The following GNB4 variants were observed in gnomAD, a reference collection of about 807,000 sequenced individuals.
GNB4 encodes guanine nucleotide-binding protein subunit beta-4.
GNB4 carries 28 observed loss-of-function variants against 45.2 expected under a neutral mutation model. That is an observed-to-expected ratio of 0.62 (90% CI 0.46 to 0.85). The LOEUF (loss-of-function observed/expected upper bound fraction) is 0.85. Ranked by LOEUF, GNB4 falls within the 40% of genes least tolerant of loss-of-function variation. GNB4 has a pLI of 0.00. For synonymous variants in GNB4, 132 were observed against 143.7 expected (o/e 0.92, Z 0.58); for missense variants, 321 against 425.4 (o/e 0.75, Z 2.16).
chr3:179,444,562 G>A (rs2287207), intron 1 of GNB4, among the ~76,000 whole-genome samples: 77,931 of 151,564 alleles, frequency 0.51, 20,387 homozygotes, highest in African/African-American at 0.6. Context: ...TAAATACACA[G>A]TTTCATCGGC....
chr3:179,450,772 G>T (rs1191297764), intron 1 of GNB4, among the ~76,000 whole-genome samples: 1 of 152,156 alleles, frequency 6.6e-6, no homozygotes, highest in African/African-American at 2.4e-5. Context: ...ACTTTTTATT[G>T]TACTGAACTC....
chr3:179,414,181 C>T (rs1311450260), intron 6 of GNB4, among the ~76,000 whole-genome samples: 1 of 151,746 alleles, frequency 6.6e-6, no homozygotes, highest in Non-Finnish European at 1.5e-5. Flanking sequence ...CCCTTCTCTG[C>T]AAGGAGCAGT....
intron 1 of GNB4, among the ~76,000 whole-genome samples, chr3:179,444,067 A>T (rs1293859670): frequency 1.3e-5 from 2 of 152,220 alleles, no homozygotes; most frequent in Non-Finnish European, 2.9e-5. Context: ...CCGATTCTTC[A>T]GCATCCTCTC....
intron 9 of GNB4, 97 bp downstream of exon 9, chr3:179,405,093 A>T (rs939834336): frequency 2.4e-6 from 2 of 820,700 alleles, no homozygotes; most frequent in Non-Finnish European, 3.8e-6. Context: ...ACCACTTTCC[A>T]CAACTCCAAG....
chr3:179,439,320 A>G (rs1715539172), intron 1 of GNB4, among the ~76,000 whole-genome samples: 1 of 152,236 alleles, frequency 6.6e-6, no homozygotes, highest in South Asian at 2.1e-4. Context: ...ATCAGATAAA[A>G]CATCTAAATC....
chr3:179,516,235 T>C, the GNB4 span, among the ~76,000 whole-genome samples: 6 of 152,154 alleles, frequency 3.9e-5, no homozygotes, highest in African/African-American at 1.4e-4. Flanking sequence ...TTTTACCAAA[T>C]ACCAAGAGCC....
In GNB4 at chr3:179,427,384, C is replaced by T. The variant is rs774808486; in HGVS notation, c.-42-1142G>A. 3.0e-4 allele frequency among the ~76,000 whole-genome samples: 46 copies of T among 151,868 alleles called. 1 individual carries two copies. The highest frequency in any genetic ancestry group is 5.6e-4 in the Non-Finnish European group (38 of 67,990). ...CTTTGGGAGGCTGAGGTGGGTGCAT[C>T]GCTTGAGGCCAGGAGTTCAAGACCA... is the stretch of plus-strand genomic sequence containing the variant. On this transcript the variant is annotated intron_variant, in intron 1 of 9. Transcript: ENST00000232564.
the GNB4 span, among the ~76,000 whole-genome samples, chr3:179,468,035 A>AAAAAAAAAATATATATATATATAT: frequency 3.7e-4 from 33 of 89,860 alleles, 3 homozygotes; most frequent in African/African-American, 9.6e-4. Context: ...TGTTGATAAA[A>AAAAAAAAAATATATATATATATAT]ATATATATAT....
chr3:179,502,534 G>A, the GNB4 span, among the ~76,000 whole-genome samples: 2 of 151,918 alleles, frequency 1.3e-5, no homozygotes, highest in African/African-American at 4.8e-5. Flanking sequence ...CGCCTGGCCT[G>A]TTCTGAGCTA....
At chr3:179,454,741 T>C (rs1715953718), upstream of GNB4, among the ~76,000 whole-genome samples, 1 of 152,232 alleles carries the variant, frequency 6.6e-6, no homozygotes, top group Non-Finnish European at 1.5e-5. Context: ...CCGCCCTGTA[T>C]GTGTTGTATG....
At chr3:179,432,339 T>C (rs1553769008) in intron 1 of GNB4, among the ~76,000 whole-genome samples, 1 of 151,138 alleles carries the variant, frequency 6.6e-6, no homozygotes, top group Non-Finnish European at 1.5e-5. Context: ...TTTCACTCTT[T>C]AAAAAAAAAC....
chr3:179,520,224 G>A, the GNB4 span, among the ~76,000 whole-genome samples: 4 of 145,500 alleles, frequency 2.7e-5, no homozygotes, highest in Non-Finnish European at 6.0e-5. Flanking sequence ...CTGCCGCAAG[G>A]CTTCACAGAC....
intron 1 of GNB4, among the ~76,000 whole-genome samples, chr3:179,440,646 G>A (rs1715570090): frequency 6.6e-6 from 1 of 152,062 alleles, no homozygotes; most frequent in Non-Finnish European, 1.5e-5. Flanking sequence ...TCCATTTGGG[G>A]TGAACACGGT....
chr3:179,403,202 G>A (rs1714356507), intron 9 of GNB4, among the ~76,000 whole-genome samples: 1 of 151,936 alleles, frequency 6.6e-6, no homozygotes, highest in African/African-American at 2.4e-5. Flanking sequence ...CACGTGCCCA[G>A]AGCTTCAAAT....
At chr3:179,441,266 G>A (rs1474981332) in intron 1 of GNB4, among the ~76,000 whole-genome samples, 2 of 152,028 alleles carry the variant, frequency 1.3e-5, no homozygotes, top group East Asian at 1.9e-4. Flanking sequence ...AACATCATAG[G>A]GTGTCCTTAC....
At chr3:179,424,710 T>C (rs1715093630) in intron 2 of GNB4, among the ~76,000 whole-genome samples, 1 of 152,122 alleles carries the variant, frequency 6.6e-6, no homozygotes, top group Non-Finnish European at 1.5e-5. Flanking sequence ...ACTCAAGCAA[T>C]CCTCCCACCT....
chr3:179,512,560 C>T, the GNB4 span, among the ~76,000 whole-genome samples: 1 of 152,196 alleles, frequency 6.6e-6, no homozygotes. Flanking sequence ...TGTTGAGAAT[C>T]TGTTCCCTGA....
chr3:179,403,183 C>T (rs1227255173), intron 9 of GNB4, among the ~76,000 whole-genome samples: 12 of 152,090 alleles, frequency 7.9e-5, no homozygotes, highest in Non-Finnish European at 1.8e-4. Context: ...GCCGAGTCAG[C>T]ACACCAGCCA....
At chr3:179,411,019 TATACCTTA>T (rs1391168953) in intron 8 of GNB4, among the ~76,000 whole-genome samples, 2 of 152,216 alleles carry the variant, frequency 1.3e-5, no homozygotes, top group Non-Finnish European at 2.9e-5. Flanking sequence ...ATTTGTCAAT[TATACCTTA>T]ATAAAGTAGG....
Sources: allele counts gnomAD v4.1 joint callset (sites outside exome capture counted in the v4.1 genomes callset), GRCh38; gene constraint gnomAD v4.1.1; transcripts MANE v1.5; gene names NCBI Gene and HGNC (gene_info 2026-07-23, HGNC 2026-07-21).